Variants in ZBTB20 observed in about 807,000 individuals in gnomAD.
ZBTB20 encodes zinc finger and BTB domain containing 20.
In ZBTB20, 9 loss-of-function variants were observed where a neutral mutation model predicts 56.9. The ratio of observed to expected loss-of-function variants is 0.16; its 90% confidence interval spans 0.10 to 0.28. ZBTB20 has a LOEUF of 0.28. ZBTB20 is among the 10% of genes least tolerant of loss of function. ZBTB20 has a pLI of 1.00. For missense variants in ZBTB20, 655 were observed against 1,003.0 expected (o/e 0.65, Z 4.69); for synonymous variants, 417 against 420.7 (o/e 0.99, Z 0.11).
intron 4 of ZBTB20, among the ~76,000 whole-genome samples, chr3:114,881,556 A>G (rs1036551553): frequency 2.6e-5 from 4 of 151,978 alleles, no homozygotes; most frequent in African/African-American, 9.6e-5. Flanking sequence ...TGATTTAATC[A>G]TTGCTTAAAT....
At chr3:114,685,272 C>T (rs1427082867) in intron 6 of ZBTB20, among the ~76,000 whole-genome samples, 4 of 152,152 alleles carry the variant, frequency 2.6e-5, no homozygotes, top group African/African-American at 9.7e-5. Context: ...GAATGTTCAC[C>T]GCTCTGGAGG....
intron 3 of ZBTB20, among the ~76,000 whole-genome samples, chr3:114,962,696 G>T (rs2077499971): frequency 3.9e-5 from 6 of 152,052 alleles, no homozygotes. Flanking sequence ...GGACCATTTT[G>T]ACTGAACAAA....
intron 1 of ZBTB20, among the ~76,000 whole-genome samples, chr3:115,089,862 G>A (rs2083123448): frequency 6.6e-6 from 1 of 151,798 alleles, no homozygotes; most frequent in African/African-American, 2.4e-5. Context: ...CGGTTTTCAA[G>A]CCTAAACTTT....
intron 6 of ZBTB20, among the ~76,000 whole-genome samples, chr3:114,645,901 C>T (rs763451911): frequency 2.6e-5 from 4 of 151,686 alleles, no homozygotes; most frequent in African/African-American, 4.9e-5. Flanking sequence ...TATGTTGCTT[C>T]GAGGAACAGA....
chr3:114,677,669 A>G (rs1175415008), intron 6 of ZBTB20, among the ~76,000 whole-genome samples: 1 of 152,174 alleles, frequency 6.6e-6, no homozygotes, highest in African/African-American at 2.4e-5. Flanking sequence ...TCTGTTAACT[A>G]TTGAAAAGAG....
At chr3:114,767,709 G>T (rs1185748879) in intron 5 of ZBTB20, among the ~76,000 whole-genome samples, 1 of 152,008 alleles carries the variant, frequency 6.6e-6, no homozygotes, top group South Asian at 2.1e-4. Flanking sequence ...CCACTGGCTG[G>T]CCCTCTAATC....
chr3:114,732,078 T>C (rs1333773741), intron 5 of ZBTB20, among the ~76,000 whole-genome samples: 2 of 152,198 alleles, frequency 1.3e-5, no homozygotes, highest in Non-Finnish European at 2.9e-5. Context: ...CAGTGGATCA[T>C]GATACATTGT....
chr3:114,859,077 GA>G (rs915192517), intron 4 of ZBTB20, among the ~76,000 whole-genome samples: 1 of 151,696 alleles, frequency 6.6e-6, no homozygotes, highest in African/African-American at 2.4e-5. Flanking sequence ...TGTATGATGA[GA>G]AAAAAAATAT....
chr3:114,616,423 A>G (rs960767985), intron 6 of ZBTB20, among the ~76,000 whole-genome samples: 5 of 152,180 alleles, frequency 3.3e-5, no homozygotes, highest in Non-Finnish European at 5.9e-5. Context: ...GATGATGGTA[A>G]TAAGAACCTC....
chr3:114,643,846 G>A (rs528611364), intron 6 of ZBTB20, among the ~76,000 whole-genome samples: 1 of 152,086 alleles, frequency 6.6e-6, no homozygotes, highest in East Asian at 1.9e-4. Flanking sequence ...CTCTTTAACT[G>A]AATTTCTAAC....
chr3:114,478,094 G>C (rs1322253401), intron 7 of ZBTB20, among the ~76,000 whole-genome samples: 1 of 151,710 alleles, frequency 6.6e-6, no homozygotes, highest in Non-Finnish European at 1.5e-5. Flanking sequence ...GTTCTCCTGA[G>C]TAGCTGGGAT....
chr3:114,692,220 T>C (rs1311551555), intron 6 of ZBTB20, among the ~76,000 whole-genome samples: 3 of 152,126 alleles, frequency 2.0e-5, no homozygotes, highest in Non-Finnish European at 4.4e-5. Context: ...AGCCTTTCCC[T>C]TGAGCTCCTG....
chr3:114,702,470 ATTT>A (rs146643467), intron 5 of ZBTB20, among the ~76,000 whole-genome samples: 4 of 151,762 alleles, frequency 2.6e-5, no homozygotes. Flanking sequence ...ACACAGATGA[ATTT>A]TTTTGTCTTT....
chr3:114,549,190 C>T (rs904154213), intron 6 of ZBTB20, among the ~76,000 whole-genome samples: 1 of 152,120 alleles, frequency 6.6e-6, no homozygotes, highest in Non-Finnish European at 1.5e-5. Context: ...TTTATGTGCT[C>T]ATTTCAGATA....
chr3:114,472,654 GC>G (rs1170734487), intron 7 of ZBTB20, among the ~76,000 whole-genome samples: 1 of 151,936 alleles, frequency 6.6e-6, no homozygotes, highest in African/African-American at 2.4e-5. Context: ...GTTGCAGTGA[GC>G]CGAGATTGTG....
chr3:114,550,391 T>G (rs1337151651), intron 6 of ZBTB20, among the ~76,000 whole-genome samples: 3 of 152,234 alleles, frequency 2.0e-5, no homozygotes, highest in Non-Finnish European at 4.4e-5. Context: ...ATAGAGTATA[T>G]GCACTAGCCA....
chr3:114,697,468 G>A (rs1445602483), intron 5 of ZBTB20, among the ~76,000 whole-genome samples: 1 of 151,754 alleles, frequency 6.6e-6, no homozygotes, highest in Non-Finnish European at 1.5e-5. Flanking sequence ...GGCCATGGAT[G>A]TTAACTAACT....
chr3:114,380,290 C>T lies in ZBTB20; in HGVS notation c.126G>A (p.Leu42=). The change falls in exon 10 of 12, where the codon TTG becomes TTA. Residue 42 remains leucine, a synonymous_variant. Transcript: ENST00000675478. ...GLPCLNFEAV[L]SPDPALIHST... is the part of the protein sequence containing the mutation. ...AGTGGATGAGGGCTGGGTCTGGAGA[C>T]AAAACAGCTTCAAAGTTCAGGCAGG... 1 of 1,537,094 alleles carries T rather than the reference C, an allele frequency of 6.5e-7. No individual in the cohort carries two copies. Among genetic ancestry groups the T allele is most frequent in the Non-Finnish European group, 8.7e-7 (1 of 1,146,854 alleles).
intron 7 of ZBTB20, among the ~76,000 whole-genome samples, chr3:114,470,867 G>A (rs1289851253): frequency 1.3e-5 from 2 of 151,982 alleles, no homozygotes; most frequent in African/African-American, 2.4e-5. Flanking sequence ...ATTACCTTAC[G>A]ACTCTAAAAT....
Sources: gnomAD v4.1 joint callset for allele counts (sites outside exome capture counted in the v4.1 genomes callset) on GRCh38, gnomAD v4.1.1 for gene constraint, MANE v1.5 for transcripts, NCBI Gene and HGNC (gene_info 2026-07-23, HGNC 2026-07-21) for gene names.